The following TNS1 variants were observed in gnomAD, a reference collection of about 807,000 sequenced individuals.
The protein encoded by TNS1 is tensin-1.
Under a neutral mutation model 168.6 loss-of-function variants are expected in TNS1, and 62 were observed. The ratio of observed to expected loss-of-function variants is 0.37; its 90% confidence interval spans 0.30 to 0.45. TNS1 has a LOEUF of 0.45. Ranked by LOEUF, TNS1 falls within the 20% of genes least tolerant of loss-of-function variation. TNS1 has a pLI of 1.00. For synonymous variants in TNS1, 934 were observed against 933.2 expected (o/e 1.00, Z -0.02); for missense variants, 2,240 against 2,339.4 (o/e 0.96, Z 0.88).
chr2:218,017,377 C>G (rs780703713), intron 1 of TNS1, among the ~76,000 whole-genome samples: 13 of 152,264 alleles, frequency 8.5e-5, no homozygotes, highest in Non-Finnish European at 1.3e-4. Context: ...CTTGGGCAGC[C>G]TAGCCCCATC....
At chr2:217,821,963 C>A in intron 22 of TNS1, 25 bp from the exon 23 acceptor site, 1 of 1,562,264 alleles carries the variant, frequency 6.4e-7, no homozygotes, top group East Asian at 2.4e-5. Context: ...AGGACAGAGA[C>A]ACTGAGCACA....
intron 28 of TNS1, 102 bp downstream of exon 28, chr2:217,812,266 T>C (rs1244599111): frequency 4.7e-6 from 4 of 854,826 alleles, no homozygotes; most frequent in Non-Finnish European, 5.4e-6. Flanking sequence ...ATGACATGTG[T>C]CCTCCAGCCC....
chr2:217,849,656 C>A (rs1246622236), intron 18 of TNS1: 1 of 985,308 alleles, frequency 1.0e-6, no homozygotes, highest in African/African-American at 1.7e-5. Flanking sequence ...CCCTCCGCCA[C>A]CCCATCTCAA....
Position 217,821,930 on chromosome 2 carries a change from T to C in TNS1, c.3382A>G (p.Ser1128Gly). 1 of 1,584,242 alleles carries C rather than the reference T, an allele frequency of 6.3e-7. No homozygotes were observed. Among genetic ancestry groups the C allele is most frequent in the Non-Finnish European group, 8.6e-7 (1 of 1,165,520 alleles). Residue 1128 changes from serine to glycine, a missense_variant, in exon 23 of 33, where the codon AGC (serine) becomes GGC (glycine). Ser to Gly is a moderately conservative substitution (Grantham distance 56). Around this residue, in one of 2 missense-constraint regions of TNS1, gnomAD observed 2,131 missense variants for 2,171.2 expected, o/e 0.98. Coordinates refer to ENST00000682258, the MANE Select transcript of TNS1 (RefSeq NM_001387777.1). The stretch of plus-strand genomic sequence containing the variant: ...GTCCGTGCCACAGACTCCACATAGC[T>C]CCGGGGCTCTGGAAGGGGCAAGAGG... ...ILLHPTGEPRSYVESVARTAV... is the reference protein window; with the variant it reads ...ILLHPTGEPRGYVESVARTAV...
chr2:217,989,232 T>C (rs1958287169), intron 2 of TNS1, among the ~76,000 whole-genome samples: 1 of 152,192 alleles, frequency 6.6e-6, no homozygotes, highest in Non-Finnish European at 1.5e-5. Flanking sequence ...GTACTCTGTC[T>C]TGGGGATTGT....
chr2:217,935,875 C>T (rs1480545539), intron 3 of TNS1, among the ~76,000 whole-genome samples: 1 of 152,182 alleles, frequency 6.6e-6, no homozygotes, highest in East Asian at 1.9e-4. Context: ...GTCATATAGC[C>T]TGCAAGAGAT....
At chr2:217,921,559 C>T (rs377272358) in intron 3 of TNS1, among the ~76,000 whole-genome samples, 4 of 152,208 alleles carry the variant, frequency 2.6e-5, no homozygotes, top group South Asian at 4.1e-4. Context: ...CAGTGTGCTC[C>T]AAGCTCTGGA....
intron 2 of TNS1, among the ~76,000 whole-genome samples, chr2:217,984,428 T>TG (rs1575159046): frequency 6.6e-6 from 1 of 151,950 alleles, no homozygotes; most frequent in African/African-American, 2.4e-5. Flanking sequence ...GTTTTTTTTT[T>TG]TGCAAGGCAG....
In TNS1 at chr2:217,995,803, G is replaced by A. The variant is rs545274864; in HGVS notation, c.34-4747C>T. Among the ~76,000 whole-genome samples the A allele has an allele frequency of 7.2e-5, 11 of 152,278 alleles. No homozygotes were observed. Among genetic ancestry groups the A allele is most frequent in the Admixed American group, 6.5e-4 (10 of 15,294 alleles). On this transcript the variant is annotated intron_variant, in intron 1 of 32. Transcript: ENST00000682258. This position sits in a 1 kb window ranked among gnomAD's most constrained non-coding sequence, Gnocchi z 4.1. The stretch of plus-strand genomic sequence containing the variant: ...ACCCCCACCTCTCTCAAGAGCCAGG[G>A]CCCAGGAAAGGGGAAGGGCTCCAGC...
intron 8 of TNS1, among the ~76,000 whole-genome samples, chr2:217,895,904 G>T (rs1234494828): frequency 6.6e-6 from 1 of 152,216 alleles, no homozygotes; most frequent in Non-Finnish European, 1.5e-5. Context: ...AGGGGTGGCA[G>T]GGCACCAAGT....
chr2:217,907,558 T>A (rs1327346923), intron 4 of TNS1, among the ~76,000 whole-genome samples: 1 of 152,250 alleles, frequency 6.6e-6, no homozygotes, highest in African/African-American at 2.4e-5. Context: ...GAGAGGTCAA[T>A]GACTTACAGC....
chr2:217,831,739 A>G (rs1381592414), intron 21 of TNS1, among the ~76,000 whole-genome samples, 192 bp from the exon 22 acceptor site: 3 of 152,092 alleles, frequency 2.0e-5, no homozygotes, highest in East Asian at 3.9e-4. Context: ...GAACAGTTTA[A>G]AGGATAAAGG....
chr2:217,927,518 TG>T (rs960982828), intron 3 of TNS1, among the ~76,000 whole-genome samples: 18 of 152,076 alleles, frequency 1.2e-4, no homozygotes, highest in Non-Finnish European at 2.5e-4. Context: ...GAGTAGGGTC[TG>T]GGGGAGCTGA....
intron 18 of TNS1, chr2:217,849,693 G>C: frequency 1.0e-6 from 1 of 985,460 alleles, no homozygotes; most frequent in Non-Finnish European, 1.2e-6. Flanking sequence ...TTCGATGTCT[G>C]GAGTTCCCAC....
chr2:217,856,611 A>G (rs1948166331), intron 18 of TNS1, among the ~76,000 whole-genome samples: 1 of 152,202 alleles, frequency 6.6e-6, no homozygotes, highest in Non-Finnish European at 1.5e-5. Context: ...AGCCTCTGAA[A>G]CAGCAAAGAG....
intron 1 of TNS1, among the ~76,000 whole-genome samples, chr2:218,023,271 T>A (rs531811975): frequency 1.7e-4 from 26 of 152,134 alleles, no homozygotes; most frequent in African/African-American, 6.0e-4. Flanking sequence ...GACCAGGCTG[T>A]CATCCAACTC....
At chr2:217,873,072 G>T (rs1388664455) in intron 18 of TNS1, among the ~76,000 whole-genome samples, 6 of 152,210 alleles carry the variant, frequency 3.9e-5, no homozygotes, top group Admixed American at 6.5e-5. Context: ...ATTTCTTTGG[G>T]TGGGGGTGAT....
Position 217,862,260 on chromosome 2 carries a change from T to C in TNS1, c.1430-13173A>G, listed in dbSNP as rs571619717. On this transcript the variant is annotated intron_variant, in intron 18 of 32. Transcript: ENST00000682258. ...AAAAAGAATACACTTCGTCTTACCA[T>C]GTTTCTATTTGGGGGAAAAAAAAAG... 4.6e-5 allele frequency among the ~76,000 whole-genome samples: 7 copies of C among 152,020 alleles called. No homozygotes were observed. In the South Asian group the frequency reaches 1.5e-3, roughly 32 times the overall value.
intron 18 of TNS1, chr2:217,879,596 C>T (rs1950507556): frequency 3.4e-6 from 1 of 296,646 alleles, no homozygotes; most frequent in African/African-American, 2.3e-5. Context: ...AAAAAATGTG[C>T]TCTCAGTGAG....
Sources: allele counts gnomAD v4.1 joint callset (sites outside exome capture counted in the v4.1 genomes callset), GRCh38; gene constraint gnomAD v4.1.1; regional missense constraint gnomAD v4.1.1; non-coding constraint Gnocchi (gnomAD v3.1); transcripts MANE v1.5; gene names NCBI Gene and HGNC (gene_info 2026-07-23, HGNC 2026-07-21).